Variants in PLOD2 observed in about 807,000 individuals in gnomAD.
PLOD2 encodes the protein procollagen-lysine,2-oxoglutarate 5-dioxygenase 2, also known as lysine hydroxylase 2.
In PLOD2, 65 loss-of-function variants were observed where a neutral mutation model predicts 101.0. That is an observed-to-expected ratio of 0.64 (90% CI 0.53 to 0.79). The LOEUF (loss-of-function observed/expected upper bound fraction) is 0.79, where lower values mean the gene tolerates loss of function less well. PLOD2 is among the 30% of genes least tolerant of loss of function. PLOD2 has a pLI of 0.00. For missense variants in PLOD2, 909 were observed against 914.6 expected (o/e 0.99, Z 0.08); for synonymous variants, 314 against 302.9 (o/e 1.04, Z -0.38).
At chr3:146,152,158 C>T (rs1044249732) in intron 1 of PLOD2, among the ~76,000 whole-genome samples, 3 of 152,184 alleles carry the variant, frequency 2.0e-5, no homozygotes, top group African/African-American at 4.8e-5. Flanking sequence ...GTGGCTCATG[C>T]CTGTAATCCC....
chr3:146,084,267 T>C (rs1236148133), intron 11 of PLOD2, among the ~76,000 whole-genome samples: 1 of 152,106 alleles, frequency 6.6e-6, no homozygotes, highest in Non-Finnish European at 1.5e-5. Flanking sequence ...ACTGAGTATC[T>C]ATAACACAGC....
intron 13 of PLOD2, 65 bp downstream of exon 13, chr3:146,079,051 A>G: frequency 5.3e-6 from 8 of 1,515,270 alleles, no homozygotes; most frequent in Non-Finnish European, 6.4e-6. Context: ...ACACAGTGAC[A>G]CACCAACTGG....
At chr3:146,115,059 C>T (rs12492656) in intron 3 of PLOD2, among the ~76,000 whole-genome samples, 27,253 of 152,030 alleles carry the variant, frequency 0.18, 2,940 homozygotes, top group South Asian at 0.26. Context: ...GGGGGCAGCA[C>T]GGAACCTGCC....
intron 7 of PLOD2, among the ~76,000 whole-genome samples, chr3:146,092,363 G>A (rs909628003): frequency 6.6e-5 from 10 of 151,820 alleles, no homozygotes; most frequent in Non-Finnish European, 1.0e-4. Context: ...CTAACACAAC[G>A]CCACACAAAA....
In PLOD2 at chr3:146,071,043, T is replaced by C. The variant is rs1279378745; in HGVS notation, c.2120A>G (p.Gln707Arg). Residue 707 changes from glutamine to arginine, a missense_variant and splice_region_variant, in exon 19 of 20, where the codon CAG becomes CGG. By Grantham distance (43) the Gln-to-Arg change is conservative. Coordinates refer to ENST00000282903, the MANE Select transcript of PLOD2 (RefSeq NM_182943.3). ...IALNNVGEDF[Q>R]GGGCKFLRYN... Reference sequence around the variant, plus strand: ...TAAAAACACAAGAGTCATAATTACCTGAAAGTCTTCTCCCACGTTATTAAG... The same window carrying C: ...TAAAAACACAAGAGTCATAATTACCCGAAAGTCTTCTCCCACGTTATTAAG... 1.9e-6 allele frequency: 3 copies of C among 1,605,440 alleles called. No individual in the cohort carries two copies. Among genetic ancestry groups the C allele is most frequent in the Non-Finnish European group, 2.6e-6 (3 of 1,173,192 alleles).
At chr3:146,157,744 T>C (rs545728287) in intron 1 of PLOD2, among the ~76,000 whole-genome samples, 174 of 152,308 alleles carry the variant, frequency 1.1e-3, no homozygotes, top group African/African-American at 3.8e-3. Flanking sequence ...TCATGTGAAA[T>C]AAAAGGCACA....
chr3:146,104,161 C>T (rs566432991), intron 6 of PLOD2, 118 bp downstream of exon 6: 1 of 733,708 alleles, frequency 1.4e-6, no homozygotes, highest in Non-Finnish European at 2.5e-6. Context: ...ACAATAATTA[C>T]AATATTTACA....
At chr3:146,099,841 C>T (rs1269779203) in intron 7 of PLOD2, among the ~76,000 whole-genome samples, 1 of 150,078 alleles carries the variant, frequency 6.7e-6, no homozygotes, top group Non-Finnish European at 1.5e-5. Context: ...TAAAGGGATT[C>T]ATCTATTAAA....
intron 7 of PLOD2, among the ~76,000 whole-genome samples, chr3:146,100,453 C>G (rs1466995199): frequency 1.3e-5 from 2 of 152,058 alleles, no homozygotes; most frequent in African/African-American, 4.8e-5. Flanking sequence ...CATACTGTAA[C>G]AGAAGTAGCT....
At chr3:146,125,422 C>T (rs1179808511) in intron 1 of PLOD2, among the ~76,000 whole-genome samples, 1 of 151,966 alleles carries the variant, frequency 6.6e-6, no homozygotes, top group Non-Finnish European at 1.5e-5. Flanking sequence ...TGAAGATAAA[C>T]ATCAACATTC....
At chr3:146,085,377 G>A (rs936623599) in intron 10 of PLOD2, 104 bp from the exon 11 acceptor site, 1 of 706,792 alleles carries the variant, frequency 1.4e-6, no homozygotes, top group Non-Finnish European at 2.6e-6. Context: ...TGGTTCTCTA[G>A]CATACTTTTC....
At chr3:146,072,402 G>C (rs1267123206) in intron 17 of PLOD2, among the ~76,000 whole-genome samples, 159 bp downstream of exon 17, 1 of 151,716 alleles carries the variant, frequency 6.6e-6, no homozygotes, top group African/African-American at 2.4e-5. Context: ...AAATTGGTTG[G>C]TGGGAGAAGT....
chr3:146,093,083 G>T (rs545350038), intron 7 of PLOD2, among the ~76,000 whole-genome samples: 1 of 152,234 alleles, frequency 6.6e-6, no homozygotes, highest in South Asian at 2.1e-4. Context: ...GAGTTTTCTA[G>T]CTTCTTAAAG....
In PLOD2 at chr3:146,110,276, C is replaced by G. The variant is rs1461161597; in HGVS notation, c.502+9G>C. The G allele has an allele frequency of 2.5e-6, 4 of 1,612,452 alleles. No individual in the cohort carries two copies. In the African/African-American group the frequency reaches 5.3e-5, roughly 22 times the overall value. On this transcript the variant is annotated intron_variant, in intron 4 of 19. Coordinates refer to ENST00000282903, the MANE Select transcript of PLOD2 (RefSeq NM_182943.3). ...TTGCATTAAACTTTTCTTCCAGTAT[C>G]TAACTCACCTCCTGAATTCAGATAG...
intron 15 of PLOD2, chr3:146,076,133 T>A (rs1359309411): frequency 6.6e-6 from 1 of 151,812 alleles, no homozygotes; most frequent in African/African-American, 2.4e-5. Context: ...CAGGGTCTAC[T>A]GTTCCTATAT....
chr3:146,106,573 G>C lies in PLOD2; in HGVS notation c.574C>G (p.Gln192Glu), dbSNP rs765756018. ...ATGTAAACTTTAGTGTAAAAGAGCT[G>C]ATCATCATCATTATCCTGGAGATTC... ...QWNLQDNDDD[Q>E]LFYTKVYIDP... The change falls in exon 5 of 20, where the codon CAG becomes GAG. Residue 192 changes from glutamine to glutamate, a missense_variant. Coordinates refer to ENST00000282903, the MANE Select transcript of PLOD2 (RefSeq NM_182943.3). 6.3e-7 allele frequency: 1 copy of C among 1,592,984 alleles called. No homozygotes were observed. The highest frequency in any genetic ancestry group is 1.1e-5 in the South Asian group (1 of 90,602).
At chr3:146,156,986 A>C (rs73148994) in intron 1 of PLOD2, among the ~76,000 whole-genome samples, 13,392 of 152,242 alleles carry the variant, frequency 0.088, 760 homozygotes, top group South Asian at 0.14. Flanking sequence ...TGAGTAAAGC[A>C]GGTAAAGCGG....
intron 12 of PLOD2, among the ~76,000 whole-genome samples, chr3:146,080,397 A>G (rs1936495708): frequency 1.3e-5 from 2 of 152,196 alleles, no homozygotes; most frequent in East Asian, 3.9e-4. Flanking sequence ...TTCAATCCAC[A>G]GTAGACTTGA....
At chr3:146,077,228 C>A in intron 14 of PLOD2, 1 of 970,842 alleles carries the variant, frequency 1.0e-6, no homozygotes, top group Non-Finnish European at 1.2e-6. Flanking sequence ...AGACACAGTG[C>A]AATGAATTAT....
Sources: gnomAD v4.1 joint callset for allele counts (sites outside exome capture counted in the v4.1 genomes callset) on GRCh38, gnomAD v4.1.1 for gene constraint, MANE v1.5 for transcripts, NCBI Gene and HGNC (gene_info 2026-07-23, HGNC 2026-07-21) for gene names.